The following CACNA1I variants were observed in gnomAD, a reference collection of about 807,000 sequenced individuals.
CACNA1I encodes the protein voltage-dependent T-type calcium channel subunit alpha-1I.
A neutral mutation model predicts 201.6 loss-of-function variants in CACNA1I; 74 were observed. That is an observed-to-expected ratio of 0.37 (90% CI 0.30 to 0.45). The LOEUF (loss-of-function observed/expected upper bound fraction) is 0.45. CACNA1I is among the 20% of genes least tolerant of loss of function. The pLI is 1.00. For synonymous variants in CACNA1I, 1,431 were observed against 1,345.2 expected, an observed-to-expected ratio of 1.06 and a Z score of -1.40; for missense variants, 2,346 against 3,138.1, an observed-to-expected ratio of 0.75 and a Z score of 6.03.
At chr22:39,651,198 C>G (rs1026334841) in intron 10 of CACNA1I, among the ~76,000 whole-genome samples, 2 of 152,160 alleles carry the variant, frequency 1.3e-5, no homozygotes, top group East Asian at 3.9e-4. Context: ...AGGTTCGAAC[C>G]AACTTCTTTC....
chr22:39,661,387 GC>G, intron 16 of CACNA1I, 77 bp downstream of exon 16: 1 of 1,121,866 alleles, frequency 8.9e-7, no homozygotes, highest in Non-Finnish European at 1.2e-6. Flanking sequence ...AGAGGTACCT[GC>G]CAGTCTAGCC....
intron 1 of CACNA1I, among the ~76,000 whole-genome samples, chr22:39,594,235 G>A (rs1385544197): frequency 1.3e-5 from 2 of 152,056 alleles, no homozygotes; most frequent in African/African-American, 4.8e-5. Flanking sequence ...ACTGCTCAGG[G>A]CCTTGTTGAG....
Position 39,686,116 on chromosome 22 carries a change from G to A in CACNA1I, c.6383G>A (p.Ser2128Asn). Residue 2128 changes from serine (S) to asparagine (N), a missense_variant, in exon 37 of 37, where the codon AGC (serine) becomes AAC (asparagine). Physicochemically the swap from Ser to Asn is conservative, Grantham distance 46. This residue lies in a region of CACNA1I where 187 missense variants were observed against 151.0 expected (regional missense o/e 1.24). Transcript: ENST00000402142. ...GAGSEHSETLSSLSLTSLFCP... is the reference protein window; with the variant it reads ...GAGSEHSETLNSLSLTSLFCP... ...GGCAGCGAGCACTCGGAGACCCTCA[G>A]CAGCCTCTCGCTCACCTCCCTCTTC... is the stretch of plus-strand genomic sequence containing the variant. 2 of 1,232,944 alleles carry A rather than the reference G, an allele frequency of 1.6e-6. No homozygotes were observed. The highest frequency in any genetic ancestry group is 2.0e-6 in the Non-Finnish European group (2 of 989,860). The allele number at this position is 1,232,944 out of a possible 1,614,324, so 76.4% of individuals were successfully genotyped here. A position where few individuals can be genotyped will look rare whatever the true frequency, so the allele number is the denominator to read the frequency against.
chr22:39,621,433 C>T (rs748562175), intron 4 of CACNA1I, among the ~76,000 whole-genome samples: 21 of 152,258 alleles, frequency 1.4e-4, no homozygotes, highest in Non-Finnish European at 1.3e-4. Flanking sequence ...CCATCCTGAG[C>T]GCCCTGTGGG....
chr22:39,680,863 A>ACGCCCCAGGACCCAGGTCTGCC, intron 33 of CACNA1I, 67 bp from the exon 34 acceptor site: 1 of 1,523,768 alleles, frequency 6.6e-7, no homozygotes, highest in Non-Finnish European at 8.8e-7. Flanking sequence ...CTGTGGCTGC[A>ACGCCCCAGGACCCAGGTCTGCC]CGCCCCAGGA....
At chr22:39,627,189 G>C (rs1933922794) in intron 4 of CACNA1I, among the ~76,000 whole-genome samples, 1 of 152,212 alleles carries the variant, frequency 6.6e-6, no homozygotes, top group South Asian at 2.1e-4. Flanking sequence ...GGTCAAAGGA[G>C]AGAGGTCCCG....
chr22:39,662,913 G>T (rs1216960740), intron 18 of CACNA1I, 37 bp downstream of exon 18: 1 of 1,311,870 alleles, frequency 7.6e-7, no homozygotes, highest in East Asian at 2.5e-5. Flanking sequence ...GGTTAGAGTA[G>T]GGGTAACGTG....
At chr22:39,669,169 G>A (rs906852307) in intron 24 of CACNA1I, among the ~76,000 whole-genome samples, 1 of 152,174 alleles carries the variant, frequency 6.6e-6, no homozygotes, top group African/African-American at 2.4e-5. Flanking sequence ...TCAAGACAGG[G>A]CCCACTCAGT....
In CACNA1I at chr22:39,659,594, G is replaced by A. The variant is rs2146446032; in HGVS notation, c.2448+44G>A. 1 of 1,599,686 alleles carries A rather than the reference G, an allele frequency of 6.3e-7. No individual in the cohort carries two copies. Among genetic ancestry groups the A allele is most frequent in the Middle Eastern group, 1.7e-4 (1 of 6,026 alleles). ...TTCATGTTTGCTGGGGAAGCGATGG[G>A]ACAGTAGGCCTGGGAGGGGCGGGGC... is the stretch of plus-strand genomic sequence containing the variant. On this transcript the variant is annotated intron_variant, in intron 13 of 36. Transcript: ENST00000402142. The surrounding 1 kb of genome is among the most constrained non-coding windows in gnomAD (Gnocchi z 4.3).
At position 39,664,121 on chromosome 22, in the gene CACNA1I, A is replaced by C. The variant is rs781637242; in HGVS notation, c.3628A>C (p.Ile1210Leu). The change falls in exon 20 of 37, where the codon ATC becomes CTC. Residue 1210 changes from isoleucine (I) to leucine (L), a missense_variant. By Grantham distance (5) the Ile-to-Leu change is conservative. Transcript: ENST00000402142. ...ERIFLTVSNY[I>L]FTAIFVGEMT... is the part of the protein sequence containing the mutation. ...CATCTTTCTCACCGTGTCCAACTAC[A>C]TCTTCACGGCCATCTTCGTGGGCGA... 88 of 1,613,484 alleles carry C rather than the reference A, an allele frequency of 5.5e-5. No individual in the cohort carries two copies. The highest frequency in any genetic ancestry group is 7.1e-5 in the Non-Finnish European group (84 of 1,179,732).
chr22:39,582,337 C>A (rs1932581416), intron 1 of CACNA1I, among the ~76,000 whole-genome samples: 1 of 152,102 alleles, frequency 6.6e-6, no homozygotes, highest in Non-Finnish European at 1.5e-5. Flanking sequence ...CCAGGGGACA[C>A]TTCATAATGT....
In CACNA1I at chr22:39,660,435, G is replaced by A; in HGVS notation, c.2696G>A (p.Gly899Glu). 5 of 1,609,020 alleles carry A rather than the reference G, an allele frequency of 3.1e-6. No individual in the cohort carries two copies. The highest frequency in any genetic ancestry group is 3.4e-6 in the Non-Finnish European group (4 of 1,177,268). Residue 899 changes from glycine to glutamate, a missense_variant and splice_region_variant, in exon 15 of 37, where the codon GGA (glycine) becomes GAA (glutamate). Gly to Glu is a moderately conservative substitution (Grantham distance 98, BLOSUM62 -2). Transcript: ENST00000402142. ...CTCCAGGAAGGCCTGGACAGCAGCG[G>A]AGGTAAACAGGCCCTCGCTTGTCAC... ...DKLQEGLDSSGDPKLCPIPMT... is the reference protein window; with the variant it reads ...DKLQEGLDSSEDPKLCPIPMT...
intron 4 of CACNA1I, among the ~76,000 whole-genome samples, chr22:39,627,241 C>T (rs1352681431): frequency 6.6e-6 from 1 of 152,234 alleles, no homozygotes; most frequent in Non-Finnish European, 1.5e-5. Flanking sequence ...CCTTCCATCT[C>T]CCCCCTCAGC....
intron 19 of CACNA1I, 43 bp from the exon 20 acceptor site, chr22:39,664,048 C>T: frequency 6.3e-7 from 1 of 1,596,532 alleles, no homozygotes. Flanking sequence ...GGCCGGGCAG[C>T]TCTGGGAGCC....
At chr22:39,638,870 G>A (rs773763000) in intron 5 of CACNA1I, among the ~76,000 whole-genome samples, 2 of 152,154 alleles carry the variant, frequency 1.3e-5, no homozygotes, top group African/African-American at 2.4e-5. Context: ...CATAAGGAGT[G>A]CACAACCTAG....
At chr22:39,612,536 A>C (rs1321459170) in intron 3 of CACNA1I, among the ~76,000 whole-genome samples, 15 of 152,106 alleles carry the variant, frequency 9.9e-5, no homozygotes. Context: ...TTCCTCATAG[A>C]TGAGTCTTCT....
chr22:39,668,241 G>A, intron 23 of CACNA1I, 51 bp from the exon 24 acceptor site: 1 of 1,111,072 alleles, frequency 9.0e-7, no homozygotes, highest in South Asian at 1.3e-5. Flanking sequence ...GGCTGCAGCT[G>A]GAGTCACTCA....
chr22:39,684,352 C>G lies in CACNA1I; in HGVS notation c.5881C>G (p.Pro1961Ala). The change falls in exon 36 of 37, where the codon CCA becomes GCA. Residue 1961 changes from proline to alanine, a missense_variant. This residue lies in a region of CACNA1I where 441 missense variants were observed against 555.6 expected (regional missense o/e 0.79). Transcript: ENST00000402142. The surrounding 1 kb of genome is among the most constrained non-coding windows in gnomAD (Gnocchi z 4.6). ...TGCCTCCAGCCCTCTCCTGCCCATGCCAGCCGAGTTCTTCCACCCTGCAGT... is the reference window on the plus strand; with the variant it reads ...TGCCTCCAGCCCTCTCCTGCCCATGGCAGCCGAGTTCTTCCACCCTGCAGT... ...PDASSPLLPM[P>A]AEFFHPAVSA... 2 of 1,613,514 alleles carry G rather than the reference C, an allele frequency of 1.2e-6. No homozygotes were observed. Among genetic ancestry groups the G allele is most frequent in the Non-Finnish European group, 1.7e-6 (2 of 1,179,796 alleles).
At chr22:39,682,251 C>T (rs879388964) in intron 34 of CACNA1I, among the ~76,000 whole-genome samples, 6 of 152,234 alleles carry the variant, frequency 3.9e-5, no homozygotes, top group Non-Finnish European at 8.8e-5. Context: ...GACCTGGCTT[C>T]TTCGCTGGGC....
Sources: gnomAD v4.1 joint callset for allele counts (sites outside exome capture counted in the v4.1 genomes callset) on GRCh38, gnomAD v4.1.1 for gene constraint, gnomAD v4.1.1 regional missense constraint, Gnocchi (gnomAD v3.1) non-coding constraint, MANE v1.5 for transcripts, NCBI Gene and HGNC (gene_info 2026-07-23, HGNC 2026-07-21) for gene names.